Variants in WDR72 observed in about 807,000 individuals in gnomAD.
WDR72 encodes WD repeat-containing protein 72.
In WDR72, 120 loss-of-function variants were observed where a neutral mutation model predicts 124.2. The observed-to-expected ratio is 0.97, with a 90% CI of 0.83 to 1.12. WDR72 has a LOEUF of 1.12. Ranked by LOEUF, WDR72 falls within the 50% of genes most tolerant of loss-of-function variation. The pLI, the probability that WDR72 is intolerant of heterozygous loss-of-function variation, is 0.00. For synonymous variants in WDR72, 452 were observed against 441.7 expected (o/e 1.02, Z -0.29); for missense variants, 1,387 against 1,278.8 (o/e 1.08, Z -1.29).
intron 13 of WDR72, among the ~76,000 whole-genome samples, chr15:53,675,243 T>C (rs2016128567): frequency 6.6e-6 from 1 of 151,534 alleles, no homozygotes; most frequent in Non-Finnish European, 1.5e-5. Flanking sequence ...CTTGGCAAGC[T>C]GAGGCAGAAG....
At chr15:53,642,400 G>A (rs1165852368) in intron 14 of WDR72, among the ~76,000 whole-genome samples, 2 of 151,958 alleles carry the variant, frequency 1.3e-5, no homozygotes, top group African/African-American at 4.8e-5. Context: ...TAGCTCTATA[G>A]TATCTCATTT....
chr15:53,665,819 A>G, intron 13 of WDR72, 51 bp from the exon 14 acceptor site: 1 of 1,534,880 alleles, frequency 6.5e-7, no homozygotes. Context: ...TTACCCCAAC[A>G]GAATAAGACA....
chr15:53,606,752 C>T (rs762005457), intron 17 of WDR72, among the ~76,000 whole-genome samples: 3 of 152,060 alleles, frequency 2.0e-5, no homozygotes, highest in Non-Finnish European at 4.4e-5. Context: ...CCCAAGAGAA[C>T]AGTAAGATCC....
At chr15:53,593,780 AAGAT>A (rs1433993370) in intron 18 of WDR72, among the ~76,000 whole-genome samples, 1 of 152,010 alleles carries the variant, frequency 6.6e-6, no homozygotes, top group South Asian at 2.1e-4. Context: ...AAAAAAAAGA[AAGAT>A]AGCTGGTGTG....
In WDR72 at chr15:53,684,850, G is replaced by C. The variant is rs945932145; in HGVS notation, c.1765+14900C>G. On this transcript the variant is annotated intron_variant, in intron 13 of 19. Coordinates refer to ENST00000360509, the MANE Select transcript of WDR72 (RefSeq NM_182758.4). ...AAGAGAGCAGTGATTCTCCCAGTAC[G>C]CAGCTGGAGATCTGAGAAGGGCCAG... 4.6e-5 allele frequency among the ~76,000 whole-genome samples: 7 copies of C among 152,190 alleles called. 1 individual carries two copies. The highest frequency in any genetic ancestry group is 1.0e-4 in the Non-Finnish European group (7 of 68,034).
intron 18 of WDR72, among the ~76,000 whole-genome samples, chr15:53,596,055 T>G (rs985124943): frequency 1.3e-5 from 2 of 152,124 alleles, no homozygotes; most frequent in Non-Finnish European, 2.9e-5. Context: ...GAAGAAATCA[T>G]TAAGTATTTC....
chr15:53,730,875 G>A (rs1334643815), intron 2 of WDR72, among the ~76,000 whole-genome samples: 1 of 152,124 alleles, frequency 6.6e-6, no homozygotes, highest in Non-Finnish European at 1.5e-5. Context: ...AGGATTTGTT[G>A]AGAACTGAAA....
In WDR72 at chr15:53,573,342, T is replaced by C. The variant is rs375965829; in HGVS notation, c.3148+23737A>G. Among the ~76,000 whole-genome samples the C allele has an allele frequency of 6.6e-5, 10 of 152,344 alleles. No individual in the cohort carries two copies. In the South Asian group the frequency reaches 2.1e-3, roughly 32 times the overall value. On this transcript the variant is annotated intron_variant, in intron 18 of 19. Coordinates refer to ENST00000360509, the MANE Select transcript of WDR72 (RefSeq NM_182758.4). ...TATGTTGCATCAATTCACAATGGCATATGCTTACTCATATTATACATGTGC... is the reference window on the plus strand; with the variant it reads ...TATGTTGCATCAATTCACAATGGCACATGCTTACTCATATTATACATGTGC...
intron 14 of WDR72, among the ~76,000 whole-genome samples, chr15:53,621,106 C>T (rs1413319665): frequency 6.6e-6 from 1 of 151,938 alleles, no homozygotes; most frequent in African/African-American, 2.4e-5. Context: ...GCAATACCAC[C>T]TTACTCTTGC....
intron 10 of WDR72, 72 bp from the exon 11 acceptor site, chr15:53,705,305 AC>A: frequency 2.1e-6 from 3 of 1,417,338 alleles, no homozygotes; most frequent in Non-Finnish European, 3.0e-6. Context: ...ATATCAAGGC[AC>A]CCTCCCTTCA....
chr15:53,753,880 C>A (rs1029644933), intron 1 of WDR72, among the ~76,000 whole-genome samples: 2 of 152,106 alleles, frequency 1.3e-5, no homozygotes, highest in African/African-American at 4.8e-5. Flanking sequence ...GAAAAGAAGG[C>A]TAGGTAAATC....
intron 18 of WDR72, among the ~76,000 whole-genome samples, chr15:53,540,077 G>A (rs578235404): frequency 3.3e-5 from 5 of 152,288 alleles, no homozygotes; most frequent in Non-Finnish European, 7.4e-5. Flanking sequence ...ATTCACAATG[G>A]AGGTATTTCA....
Position 53,705,957 on chromosome 15 carries a change from G to A in WDR72, c.1072C>T (p.Pro358Ser), listed in dbSNP as rs771644692. Residue 358 changes from proline to serine, a missense_variant, in exon 10 of 20, where the codon CCT (proline) becomes TCT (serine). Pro to Ser is a moderately conservative substitution (Grantham distance 74). Coordinates refer to ENST00000360509, the MANE Select transcript of WDR72 (RefSeq NM_182758.4). ...GGAGAACCATCAAACTTGGATACAG[G>A]AACATCAGGGATGTGCCACAAAGTA... ...RITLWHIPDV[P>S]VSKFDGSPRE... 2 of 1,614,048 alleles carry A rather than the reference G, an allele frequency of 1.2e-6. No individual in the cohort carries two copies. Among genetic ancestry groups the A allele is most frequent in the Admixed American group, 3.3e-5 (2 of 60,024 alleles).
chr15:53,707,185 C>T (rs1013474558), intron 9 of WDR72, among the ~76,000 whole-genome samples: 2 of 152,170 alleles, frequency 1.3e-5, no homozygotes, highest in Non-Finnish European at 2.9e-5. Flanking sequence ...AAAATACATG[C>T]TTTAAGGTCT....
intron 18 of WDR72, among the ~76,000 whole-genome samples, chr15:53,566,621 T>C (rs147426647): frequency 2.1e-4 from 32 of 151,672 alleles, no homozygotes; most frequent in African/African-American, 7.8e-4. Context: ...GATAGGCTCA[T>C]CTACGGAGCA....
intron 11 of WDR72, among the ~76,000 whole-genome samples, chr15:53,702,595 A>G (rs2017218404): frequency 6.6e-6 from 1 of 152,192 alleles, no homozygotes; most frequent in Non-Finnish European, 1.5e-5. Flanking sequence ...ATTCTAGGCC[A>G]GGCATGGTGG....
At chr15:53,637,932 C>A (rs1233355921) in intron 14 of WDR72, among the ~76,000 whole-genome samples, 9 of 152,062 alleles carry the variant, frequency 5.9e-5, no homozygotes, top group Non-Finnish European at 1.2e-4. Context: ...CTGATTCCTT[C>A]AATGGGGGGT....
At chr15:53,629,897 A>G (rs191678487) in intron 14 of WDR72, among the ~76,000 whole-genome samples, 1 of 152,206 alleles carries the variant, frequency 6.6e-6, no homozygotes, top group Admixed American at 6.5e-5. Flanking sequence ...GCAATATTTC[A>G]CCTGCCTCCC....
chr15:53,696,565 CT>C (rs1314507427), intron 13 of WDR72, among the ~76,000 whole-genome samples: 2 of 152,232 alleles, frequency 1.3e-5, no homozygotes, highest in Admixed American at 6.5e-5. Flanking sequence ...TCAAATAGCT[CT>C]TTTCAGCCTG....
Sources: allele counts gnomAD v4.1 joint callset (sites outside exome capture counted in the v4.1 genomes callset), GRCh38; gene constraint gnomAD v4.1.1; transcripts MANE v1.5; gene names NCBI Gene and HGNC (gene_info 2026-07-23, HGNC 2026-07-21).